The following ST3GAL3 variants were observed in gnomAD, a reference collection of about 807,000 sequenced individuals.
ST3GAL3 encodes ST3 beta-galactoside alpha-2,3-sialyltransferase 3.
A neutral mutation model predicts 50.1 loss-of-function variants in ST3GAL3; 21 were observed. That is an observed-to-expected ratio of 0.42 (90% CI 0.30 to 0.60). The LOEUF (loss-of-function observed/expected upper bound fraction) is 0.60. ST3GAL3 is among the 20% of genes least tolerant of loss of function. ST3GAL3 has a pLI of 0.19. For synonymous variants in ST3GAL3, 183 were observed against 190.0 expected, an observed-to-expected ratio of 0.96 and a Z score of 0.30; for missense variants, 353 against 489.4, an observed-to-expected ratio of 0.72 and a Z score of 2.63.
chr1:43,911,554 TCTATAGACATATCTGTAG>T (rs2080852369), intron 9 of ST3GAL3, among the ~76,000 whole-genome samples: 1 of 152,134 alleles, frequency 6.6e-6, no homozygotes, highest in Non-Finnish European at 1.5e-5. Context: ...GCTATAGATA[TCTATAGACATATCTGTAG>T]CTATAGATAT....
At chr1:43,926,232 C>T (rs998135184) in intron 11 of ST3GAL3, among the ~76,000 whole-genome samples, 8 of 152,160 alleles carry the variant, frequency 5.3e-5, no homozygotes, top group Non-Finnish European at 1.2e-4. Flanking sequence ...GAGTGAGAAG[C>T]GCGGCTCATC....
chr1:43,898,352 G>A (rs2154269984), intron 7 of ST3GAL3, 54 bp downstream of exon 7: 2 of 1,596,236 alleles, frequency 1.3e-6, no homozygotes, highest in Non-Finnish European at 1.7e-6. Context: ...GGTGTGCAGA[G>A]GTGTTGAGGC....
rs149392855 is a variant in ST3GAL3, at chr1:43,926,006, G to A, written c.1039-4126G>A. ...TGAGTAGACGGCACCTACATCTGTG[G>A]TTAGAGACCACAGATGTTGCTCGTG... On this transcript the variant is annotated intron_variant, in intron 11 of 11. Coordinates refer to ENST00000347631, the MANE Select transcript of ST3GAL3 (RefSeq NM_006279.5). Among the ~76,000 whole-genome samples, 324 of 152,294 alleles carry A rather than the reference G, an allele frequency of 2.1e-3. 2 individuals are homozygous for A. The highest frequency in any genetic ancestry group is 7.5e-3 in the African/African-American group (311 of 41,562).
intron 1 of ST3GAL3, among the ~76,000 whole-genome samples, chr1:43,710,687 T>G (rs1168128297): frequency 2.6e-5 from 4 of 152,380 alleles, no homozygotes; most frequent in African/African-American, 9.6e-5. Flanking sequence ...GCTCTGTATC[T>G]TTGCTCATGT....
intron 2 of ST3GAL3, among the ~76,000 whole-genome samples, chr1:43,742,453 T>A (rs953174571): frequency 2.0e-5 from 3 of 152,172 alleles, no homozygotes; most frequent in Non-Finnish European, 2.9e-5. Context: ...TTCAGGGCCG[T>A]CAGGTAGTCA....
At chr1:43,851,939 C>G (rs1421065436) in intron 5 of ST3GAL3, among the ~76,000 whole-genome samples, 1 of 152,216 alleles carries the variant, frequency 6.6e-6, no homozygotes, top group Non-Finnish European at 1.5e-5. Context: ...ACCCCTTGCA[C>G]CAGGCTTAGG....
chr1:43,767,748 A>C (rs1693625080), intron 2 of ST3GAL3, among the ~76,000 whole-genome samples: 1 of 151,988 alleles, frequency 6.6e-6, no homozygotes. Flanking sequence ...GGGTGCAGCA[A>C]ACCGCCATGG....
At chr1:43,926,398 T>A (rs1402946213) in intron 11 of ST3GAL3, among the ~76,000 whole-genome samples, 1 of 152,174 alleles carries the variant, frequency 6.6e-6, no homozygotes. Flanking sequence ...GAGACCAGCC[T>A]GACCAACATG....
intron 2 of ST3GAL3, among the ~76,000 whole-genome samples, chr1:43,760,430 T>G (rs981635299): frequency 6.6e-6 from 1 of 152,180 alleles, no homozygotes; most frequent in African/African-American, 2.4e-5. Context: ...AAATGACTAC[T>G]GTTAGGATGT....
intron 1 of ST3GAL3, chr1:43,716,328 A>G (rs529321934): frequency 4.6e-5 from 7 of 152,338 alleles, no homozygotes; most frequent in Admixed American, 2.6e-4. Flanking sequence ...AAATTATGTA[A>G]CTGCTCTTTA....
At chr1:43,918,753 C>G (rs2082511291) in intron 9 of ST3GAL3, among the ~76,000 whole-genome samples, 1 of 151,844 alleles carries the variant, frequency 6.6e-6, no homozygotes, top group Non-Finnish European at 1.5e-5. Context: ...AGATTTTTTT[C>G]TTAGAATTAT....
intron 2 of ST3GAL3, among the ~76,000 whole-genome samples, chr1:43,754,474 G>A (rs1332989156): frequency 6.6e-6 from 1 of 152,144 alleles, no homozygotes; most frequent in East Asian, 1.9e-4. Flanking sequence ...TTACAGGCAT[G>A]AGCCACCACG....
chr1:43,885,190 C>T (rs2075770666), intron 5 of ST3GAL3, among the ~76,000 whole-genome samples: 1 of 152,182 alleles, frequency 6.6e-6, no homozygotes, highest in South Asian at 2.1e-4. Context: ...CTCTTTCAGT[C>T]TACAGGTCTG....
intron 2 of ST3GAL3, among the ~76,000 whole-genome samples, chr1:43,741,673 T>C (rs1680990439): frequency 6.6e-6 from 1 of 152,162 alleles, no homozygotes; most frequent in Non-Finnish European, 1.5e-5. Flanking sequence ...CTGCTTCCCA[T>C]GGTAAGGAAG....
intron 9 of ST3GAL3, chr1:43,914,571 T>G (rs2081474030): frequency 6.6e-6 from 1 of 152,142 alleles, no homozygotes. Flanking sequence ...TGTCGTATCG[T>G]TTCACCTTGG....
chr1:43,757,873 A>T (rs1558165711), intron 2 of ST3GAL3, among the ~76,000 whole-genome samples: 1 of 152,224 alleles, frequency 6.6e-6, no homozygotes, highest in Non-Finnish European at 1.5e-5. Context: ...ATTGTGAAAC[A>T]TCTACAACAA....
chr1:43,747,561 ATTTT>A (rs71579307), intron 2 of ST3GAL3, among the ~76,000 whole-genome samples: 4 of 90,606 alleles, frequency 4.4e-5, no homozygotes, highest in African/African-American at 4.8e-5. Flanking sequence ...TAGCTCAGGG[ATTTT>A]TTTTTTTTTT....
chr1:43,855,985 G>A (rs879601965), intron 5 of ST3GAL3, among the ~76,000 whole-genome samples: 7 of 152,138 alleles, frequency 4.6e-5, no homozygotes, highest in Non-Finnish European at 7.4e-5. Context: ...AAAGGGAAAC[G>A]TATAAACACA....
intron 5 of ST3GAL3, among the ~76,000 whole-genome samples, chr1:43,846,115 G>C (rs149938163): frequency 6.6e-6 from 1 of 152,220 alleles, no homozygotes; most frequent in African/African-American, 2.4e-5. Context: ...TCTGTTTTAG[G>C]GTATTCTATA....
Sources: gnomAD v4.1 joint callset for allele counts (sites outside exome capture counted in the v4.1 genomes callset) on GRCh38, gnomAD v4.1.1 for gene constraint, MANE v1.5 for transcripts, NCBI Gene and HGNC (gene_info 2026-07-23, HGNC 2026-07-21) for gene names.